Variants in NPAS3 observed in about 807,000 individuals in gnomAD.
The protein encoded by NPAS3 is neuronal PAS domain protein 3, also known as neuronal PAS domain-containing protein 3.
NPAS3 carries 14 observed loss-of-function variants against 73.1 expected under a neutral mutation model. That is an observed-to-expected ratio of 0.19 (90% CI 0.13 to 0.30). The LOEUF is 0.30. NPAS3 is among the 10% of genes least tolerant of loss of function. The pLI is 1.00. For synonymous variants in NPAS3, 620 were observed against 541.5 expected (o/e 1.14, Z -2.01); for missense variants, 1,096 against 1,250.0 (o/e 0.88, Z 1.86).
At chr14:33,681,115 A>G (rs970581905) in intron 6 of NPAS3, 1 of 153,248 alleles carries the variant, frequency 6.5e-6, no homozygotes, top group African/African-American at 2.4e-5. Context: ...CTCTGACATC[A>G]TTAGATGATT....
rs375869926 is a variant in NPAS3, at chr14:33,175,925, C to A, written c.141-39257C>A. 3.7e-4 allele frequency among the ~76,000 whole-genome samples: 56 copies of A among 151,704 alleles called. No individual in the cohort carries two copies. In the East Asian group the frequency reaches 4.5e-3, roughly 12 times the overall value. ...GAGTCTGGTTTTAAAACAACAACAACAAAAAAAATCAAAAGTTACTTATCC... is the reference window on the plus strand; with the variant it reads ...GAGTCTGGTTTTAAAACAACAACAAAAAAAAAAATCAAAAGTTACTTATCC... On this transcript the variant is annotated intron_variant, in intron 2 of 11. Transcript: ENST00000356141.
At chr14:33,674,238 A>G (rs754745300) in intron 5 of NPAS3, among the ~76,000 whole-genome samples, 1 of 152,148 alleles carries the variant, frequency 6.6e-6, no homozygotes, top group Non-Finnish European at 1.5e-5. Context: ...AAAAAAATCT[A>G]TTTTATCTGC....
intron 1 of NPAS3, among the ~76,000 whole-genome samples, chr14:32,988,395 T>C (rs778560809): frequency 2.6e-5 from 4 of 152,186 alleles, no homozygotes; most frequent in Non-Finnish European, 5.9e-5. Context: ...TATACGATAG[T>C]AGTTTAGAAA....
intron 5 of NPAS3, among the ~76,000 whole-genome samples, chr14:33,577,582 T>C (rs1219109917): frequency 6.6e-6 from 1 of 152,180 alleles, no homozygotes; most frequent in Non-Finnish European, 1.5e-5. Flanking sequence ...GCCAGGACTC[T>C]ACCTCTGCAT....
chr14:33,461,220 T>C (rs1336197296), intron 4 of NPAS3, among the ~76,000 whole-genome samples: 1 of 152,200 alleles, frequency 6.6e-6, no homozygotes, highest in East Asian at 1.9e-4. Context: ...TTCCCTTGCC[T>C]TTAGGAATTC....
intron 1 of NPAS3, among the ~76,000 whole-genome samples, chr14:33,039,286 A>G (rs1170591319): frequency 6.6e-6 from 1 of 152,108 alleles, no homozygotes; most frequent in Non-Finnish European, 1.5e-5. Context: ...ACATAGTTAC[A>G]TTTTTTTAAA....
intron 3 of NPAS3, among the ~76,000 whole-genome samples, chr14:33,289,361 A>G (rs1246583072): frequency 6.6e-6 from 1 of 152,188 alleles, no homozygotes; most frequent in African/African-American, 2.4e-5. Context: ...ACACACATAT[A>G]AAATTTGTTA....
intron 4 of NPAS3, among the ~76,000 whole-genome samples, chr14:33,379,117 T>C (rs2140470510): frequency 6.6e-6 from 1 of 152,304 alleles, no homozygotes; most frequent in Middle Eastern, 3.4e-3. Context: ...ATAAGGTATA[T>C]GTGAAATATA....
chr14:33,564,912 A>C (rs1426962679), intron 5 of NPAS3, among the ~76,000 whole-genome samples: 1 of 151,930 alleles, frequency 6.6e-6, no homozygotes, highest in Admixed American at 6.6e-5. Context: ...GCCAGCTAAA[A>C]CCTCTCTTGA....
rs532674509 is a variant in NPAS3 at position 33,708,713 on chromosome 14, G to T, written c.734-26501G>T. On this transcript the variant is annotated intron_variant, in intron 6 of 11. Transcript: ENST00000356141. ...CTAGAAAACACAGACACATGGAGGT[G>T]GGGGGAGCAGGACGGGAAAATTAAA... is the stretch of plus-strand genomic sequence containing the variant. Among the ~76,000 whole-genome samples the T allele has an allele frequency of 9.9e-5, 15 of 152,282 alleles. No homozygotes were observed. In the East Asian group the frequency reaches 2.1e-3, roughly 22 times the overall value.
intron 2 of NPAS3, among the ~76,000 whole-genome samples, chr14:33,207,267 G>GCA (rs34164980): frequency 0.013 from 218 of 16,958 alleles, 1 homozygote; most frequent in African/African-American, 0.022. Context: ...ACACACACAC[G>GCA]CACACACACA....
chr14:33,002,574 G>A (rs2038848118), intron 1 of NPAS3, among the ~76,000 whole-genome samples: 1 of 152,220 alleles, frequency 6.6e-6, no homozygotes, highest in South Asian at 2.1e-4. Flanking sequence ...ATTAGAGAAG[G>A]TGGAAGTCTG....
chr14:33,793,894 C>T lies in NPAS3; in HGVS notation c.1154-3C>T, dbSNP rs1263292351. On this transcript the variant is annotated splice_polypyrimidine_tract_variant and splice_region_variant and intron_variant, in intron 9 of 11. Coordinates refer to ENST00000356141, the Ensembl canonical transcript of NPAS3. ...ATGCCTCTGTTTTGTTTTTTTTCGC[C>T]AGTGCTGAATAAGGGTCAGTGTGTG... 29 of 1,598,274 alleles carry T rather than the reference C, an allele frequency of 1.8e-5. No homozygotes were observed. Among genetic ancestry groups the T allele is most frequent in the Non-Finnish European group, 2.4e-5 (28 of 1,174,722 alleles).
intron 5 of NPAS3, among the ~76,000 whole-genome samples, chr14:33,596,017 C>T (rs2057232830): frequency 6.6e-6 from 1 of 152,206 alleles, no homozygotes; most frequent in Non-Finnish European, 1.5e-5. Flanking sequence ...TTCACTAACA[C>T]TTTACGTCGG....
At chr14:33,752,321 T>G (rs956815116) in intron 7 of NPAS3, among the ~76,000 whole-genome samples, 1 of 152,170 alleles carries the variant, frequency 6.6e-6, no homozygotes, top group Middle Eastern at 3.2e-3. Flanking sequence ...TGCACGTACT[T>G]CTGTCACCAT....
At chr14:32,963,329 G>A (rs761401302) in intron 1 of NPAS3, among the ~76,000 whole-genome samples, 1 of 152,082 alleles carries the variant, frequency 6.6e-6, no homozygotes, top group Non-Finnish European at 1.5e-5. Context: ...CAGCAGATAA[G>A]GACATTAAAT....
chr14:33,564,887 G>A (rs1161651150), intron 5 of NPAS3, among the ~76,000 whole-genome samples: 1 of 152,144 alleles, frequency 6.6e-6, no homozygotes, highest in African/African-American at 2.4e-5. Context: ...GATACCATTA[G>A]AAAATACCCT....
At chr14:33,274,091 G>C (rs1311383949) in intron 3 of NPAS3, among the ~76,000 whole-genome samples, 2 of 152,144 alleles carry the variant, frequency 1.3e-5, no homozygotes, top group Non-Finnish European at 2.9e-5. Flanking sequence ...AGGATTTATG[G>C]ACAGAAAAAA....
intron 3 of NPAS3, among the ~76,000 whole-genome samples, chr14:33,344,637 T>C (rs1436869084): frequency 6.6e-6 from 1 of 152,230 alleles, no homozygotes; most frequent in African/African-American, 2.4e-5. Context: ...TCTTATTACT[T>C]GTTCATAAAA....
Sources: gnomAD v4.1 joint callset for allele counts (sites outside exome capture counted in the v4.1 genomes callset) on GRCh38, gnomAD v4.1.1 for gene constraint, MANE v1.5 for transcripts, NCBI Gene and HGNC (gene_info 2026-07-23, HGNC 2026-07-21) for gene names.